The following CHST8 variants were observed in gnomAD, a reference collection of about 807,000 sequenced individuals.
The protein encoded by CHST8 is GALNAC-4-ST1.
Under a neutral mutation model 15.0 loss-of-function variants are expected in CHST8, and 10 were observed. The observed-to-expected ratio is 0.67, with a 90% CI of 0.41 to 1.13. CHST8 has a LOEUF of 1.13. CHST8 is among the 50% of genes most tolerant of loss of function. CHST8 has a pLI of 0.00. For synonymous variants in CHST8, 259 were observed against 256.6 expected, an observed-to-expected ratio of 1.01 and a Z score of -0.09; for missense variants, 634 against 608.2, an observed-to-expected ratio of 1.04 and a Z score of -0.45.
rs767674198 is a variant in CHST8, at chr19:33,772,068, C to G, written c.280C>G (p.Gln94Glu). 6.2e-7 allele frequency: 1 copy of G among 1,612,550 alleles called. No individual in the cohort carries two copies. The highest frequency in any genetic ancestry group is 1.7e-5 in the Admixed American group (1 of 60,010). ...PRGRNLPAPD[Q>E]PQPPLQRGTR... ...GGGCCGCAACCTGCCAGCGCCTGACCAGCCTCAACCCCCGCTGCAGAGGGG... is the reference window on the plus strand; with the variant it reads ...GGGCCGCAACCTGCCAGCGCCTGACGAGCCTCAACCCCCGCTGCAGAGGGG... The change falls in exon 5 of 5, where the codon CAG becomes GAG. Residue 94 changes from glutamine to glutamate, a missense_variant. Gln to Glu is a conservative substitution (Grantham distance 29). Transcript: ENST00000650847.
intron 3 of CHST8, among the ~76,000 whole-genome samples, chr19:33,730,504 G>A (rs142394555): frequency 1.1e-3 from 160 of 152,294 alleles, no homozygotes; most frequent in Admixed American, 2.9e-3. Context: ...CTGCCTTTTC[G>A]AGAGTCTGGC....
intron 1 of CHST8, among the ~76,000 whole-genome samples, chr19:33,630,341 C>T (rs953199844): frequency 6.6e-6 from 1 of 152,266 alleles, no homozygotes; most frequent in Non-Finnish European, 1.5e-5. Context: ...TGCTTGTGGG[C>T]AGGCAGAGTG....
intron 1 of CHST8, among the ~76,000 whole-genome samples, chr19:33,666,000 G>A (rs1245460746): frequency 1.3e-5 from 2 of 152,244 alleles, no homozygotes; most frequent in South Asian, 2.1e-4. Flanking sequence ...GCTCCGGGAC[G>A]GGGTGTCGGA....
chr19:33,703,029 C>A (rs1164097900), intron 3 of CHST8, among the ~76,000 whole-genome samples: 1 of 152,182 alleles, frequency 6.6e-6, no homozygotes, highest in Non-Finnish European at 1.5e-5. Context: ...ACTGCCTGAG[C>A]ATCTTCAGTG....
At chr19:33,766,676 CA>C (rs1974852954) in intron 3 of CHST8, among the ~76,000 whole-genome samples, 1 of 152,230 alleles carries the variant, frequency 6.6e-6, no homozygotes, top group African/African-American at 2.4e-5. Flanking sequence ...CCGGGTACTG[CA>C]CGTGCTGAGG....
Position 33,679,266 on chromosome 19 carries a change from G to A in CHST8, c.-86-9910G>A, listed in dbSNP as rs147383729. 1.2e-4 allele frequency among the ~76,000 whole-genome samples: 19 copies of A among 152,288 alleles called. No individual in the cohort carries two copies. The East Asian group carries it at 2.9e-3, about 23-fold the overall frequency. ...TGCTGTGGCTGCGGATGTCAGAGCC[G>A]CTGGAAAATGTGAATAGCTCAGTGC... is the stretch of plus-strand genomic sequence containing the variant. On this transcript the variant is annotated intron_variant, in intron 2 of 4. Coordinates refer to ENST00000650847, the MANE Select transcript of CHST8 (RefSeq NM_001127895.2).
chr19:33,664,538 C>T (rs946321339), intron 1 of CHST8, among the ~76,000 whole-genome samples: 5 of 146,276 alleles, frequency 3.4e-5, no homozygotes, highest in Admixed American at 7.2e-5. Flanking sequence ...TGAGAACATG[C>T]GGTGTTTGGT....
At chr19:33,654,398 A>G (rs1245979909) in intron 1 of CHST8, among the ~76,000 whole-genome samples, 1 of 151,994 alleles carries the variant, frequency 6.6e-6, no homozygotes. Context: ...CCTTTGGTAG[A>G]TTATAATTTC....
intron 3 of CHST8, among the ~76,000 whole-genome samples, chr19:33,742,322 A>G (rs1456464202): frequency 6.6e-6 from 1 of 152,204 alleles, no homozygotes; most frequent in East Asian, 1.9e-4. Context: ...AACGAGGCTT[A>G]TTTGGCTCAT....
Position 33,757,359 on chromosome 19 carries a change from A to C in CHST8, c.131-14054A>C, listed in dbSNP as rs533973166. Among the ~76,000 whole-genome samples, 15 of 146,044 alleles carry C rather than the reference A, an allele frequency of 1.0e-4. No individual in the cohort carries two copies. In the South Asian group the frequency reaches 3.3e-3, roughly 33 times the overall value. ...CATGCCACTGCACTCCAGCCTGGGC[A>C]ACAGAGTGAGACGCGGTCTCAAAAA... On this transcript the variant is annotated intron_variant, in intron 3 of 4. Coordinates refer to ENST00000650847, the MANE Select transcript of CHST8 (RefSeq NM_001127895.2).
chr19:33,681,070 A>G (rs1402863367), intron 2 of CHST8, among the ~76,000 whole-genome samples: 2 of 152,210 alleles, frequency 1.3e-5, no homozygotes, highest in Non-Finnish European at 2.9e-5. Context: ...TTCCTTCCCC[A>G]CAAGGATCCT....
At chr19:33,624,793 G>C (rs1463691522) in intron 1 of CHST8, among the ~76,000 whole-genome samples, 1 of 152,212 alleles carries the variant, frequency 6.6e-6, no homozygotes, top group Non-Finnish European at 1.5e-5. Flanking sequence ...GGGGAGCTTT[G>C]ATCATTGCTG....
chr19:33,706,540 G>A (rs1048965026), intron 3 of CHST8, among the ~76,000 whole-genome samples: 5 of 152,176 alleles, frequency 3.3e-5, no homozygotes, highest in Admixed American at 2.0e-4. Flanking sequence ...CATGGGGCAG[G>A]CAGGGGCAAA....
intron 3 of CHST8, among the ~76,000 whole-genome samples, chr19:33,721,772 G>T (rs1461444088): frequency 6.6e-6 from 1 of 151,864 alleles, no homozygotes. Flanking sequence ...TTGGACAGAT[G>T]GGTAGGTGAG....
At chr19:33,724,337 G>A (rs1025823104) in intron 3 of CHST8, among the ~76,000 whole-genome samples, 6 of 152,152 alleles carry the variant, frequency 3.9e-5, no homozygotes, top group South Asian at 2.1e-4. Context: ...GGTGCTGGGC[G>A]AGCCCCCACC....
intron 3 of CHST8, among the ~76,000 whole-genome samples, chr19:33,722,718 C>T (rs187509197): frequency 6.7e-6 from 1 of 150,306 alleles, no homozygotes; most frequent in African/African-American, 2.5e-5. Flanking sequence ...TTTCCCACCC[C>T]GAGCGTAACT....
At chr19:33,629,438 T>G (rs10401489) in intron 1 of CHST8, among the ~76,000 whole-genome samples, 12,286 of 152,300 alleles carry the variant, frequency 0.081, 1,269 homozygotes, top group African/African-American at 0.25. Context: ...TGTTGCACCC[T>G]CTGGGAGGGG....
intron 3 of CHST8, among the ~76,000 whole-genome samples, chr19:33,719,073 CT>C (rs1281312967): frequency 1.3e-5 from 2 of 152,178 alleles, no homozygotes; most frequent in Admixed American, 6.5e-5. Context: ...CCCCACCCCC[CT>C]GCCAGTGATG....
chr19:33,763,706 T>C (rs1212345636), intron 3 of CHST8, among the ~76,000 whole-genome samples: 1 of 152,272 alleles, frequency 6.6e-6, no homozygotes, highest in Non-Finnish European at 1.5e-5. Flanking sequence ...TGCCCGCTCA[T>C]TGCTGCATGT....
Sources: allele counts gnomAD v4.1 joint callset (sites outside exome capture counted in the v4.1 genomes callset), GRCh38; gene constraint gnomAD v4.1.1; transcripts MANE v1.5; gene names NCBI Gene and HGNC (gene_info 2026-07-23, HGNC 2026-07-21).